RGS6: variants seen among roughly 807,000 people sequenced by gnomAD.
RGS6 encodes the protein regulator of G-protein signaling 6.
Under a neutral mutation model 78.5 loss-of-function variants are expected in RGS6, and 30 were observed. That is an observed-to-expected ratio of 0.38 (90% CI 0.29 to 0.52). The LOEUF (loss-of-function observed/expected upper bound fraction) is 0.52, where lower values mean the gene tolerates loss of function less well. RGS6 is among the 20% of genes least tolerant of loss of function. The probability of loss-of-function intolerance (pLI) is 0.85; values close to 1 mark genes in which losing one functional copy is unlikely to be tolerated. For missense variants in RGS6, 495 were observed against 609.7 expected (o/e 0.81, Z 1.98); for synonymous variants, 206 against 206.0 (o/e 1.00, Z 0.00).
At chr14:72,296,831 T>A (rs2064934032) in intron 2 of RGS6, among the ~76,000 whole-genome samples, 1 of 152,188 alleles carries the variant, frequency 6.6e-6, no homozygotes, top group African/African-American at 2.4e-5. Flanking sequence ...TTGCGTTCTG[T>A]GTTTGAAGGA....
intron 2 of RGS6, among the ~76,000 whole-genome samples, chr14:72,193,191 G>C (rs964497349): frequency 2.7e-4 from 41 of 151,970 alleles, no homozygotes; most frequent in African/African-American, 9.7e-4. Flanking sequence ...GTGGGGTTTC[G>C]CCATGTTGGC....
chr14:72,367,933 A>G (rs2082738199), intron 3 of RGS6, among the ~76,000 whole-genome samples: 1 of 152,194 alleles, frequency 6.6e-6, no homozygotes, highest in South Asian at 2.1e-4. Flanking sequence ...TTCACAGGAT[A>G]TGTATAAAGG....
At chr14:72,086,620 G>C (rs532001665) in intron 2 of RGS6, among the ~76,000 whole-genome samples, 1 of 152,240 alleles carries the variant, frequency 6.6e-6, no homozygotes, top group South Asian at 2.1e-4. Context: ...CCATGTTTTT[G>C]ATGGAGTATC....
chr14:72,095,585 A>G (rs2095385079), intron 2 of RGS6, among the ~76,000 whole-genome samples: 2 of 152,066 alleles, frequency 1.3e-5, no homozygotes, highest in Admixed American at 1.3e-4. Flanking sequence ...CACCTGTTTC[A>G]AAGAAAGTTC....
chr14:71,994,316 C>T (rs1221473694), intron 2 of RGS6, among the ~76,000 whole-genome samples: 5 of 152,108 alleles, frequency 3.3e-5, no homozygotes, highest in African/African-American at 7.2e-5. Context: ...TTTCTCTCCT[C>T]CTCTTTGATT....
chr14:72,619,871 G>T, the RGS6 span: 1 of 1,512,836 alleles, frequency 6.6e-7, no homozygotes, highest in South Asian at 1.2e-5. Flanking sequence ...AGTATCTGTT[G>T]CTGTTCTTAT....
chr14:72,437,493 T>A (rs1371614701), intron 3 of RGS6, among the ~76,000 whole-genome samples: 1 of 152,146 alleles, frequency 6.6e-6, no homozygotes, highest in Admixed American at 6.5e-5. Flanking sequence ...GTTTTAGCAA[T>A]GTTTAAAATT....
chr14:72,158,969 A>G (rs1259708177), intron 2 of RGS6, among the ~76,000 whole-genome samples: 2 of 152,256 alleles, frequency 1.3e-5, no homozygotes, highest in Non-Finnish European at 2.9e-5. Flanking sequence ...AACAAGCAGC[A>G]TAACAATAGC....
intron 2 of RGS6, among the ~76,000 whole-genome samples, chr14:72,328,129 CCCT>C (rs917837548): frequency 1.8e-4 from 28 of 152,036 alleles, no homozygotes; most frequent in African/African-American, 6.5e-4. Context: ...GGGAATTTAC[CCCT>C]CCTCCTTCTT....
chr14:72,290,184 C>A (rs1288187380), intron 2 of RGS6, among the ~76,000 whole-genome samples: 1 of 152,048 alleles, frequency 6.6e-6, no homozygotes, highest in African/African-American at 2.4e-5. Context: ...ACATAAAGGC[C>A]CTTAGGACTG....
intron 3 of RGS6, among the ~76,000 whole-genome samples, chr14:72,398,492 C>T (rs1205431721): frequency 6.6e-6 from 1 of 152,038 alleles, no homozygotes; most frequent in Non-Finnish European, 1.5e-5. Flanking sequence ...TTGATCTTTT[C>T]AAAAAACCAG....
chr14:72,397,751 T>G (rs553254111), intron 3 of RGS6, among the ~76,000 whole-genome samples: 3 of 152,372 alleles, frequency 2.0e-5, no homozygotes, highest in Admixed American at 6.5e-5. Flanking sequence ...TGAGAGTTTT[T>G]TAGCATGAAG....
intron 17 of RGS6, chr14:72,540,855 G>A (rs918139730): frequency 4.1e-6 from 4 of 985,410 alleles, no homozygotes; most frequent in Non-Finnish European, 4.8e-6. Flanking sequence ...CCCAGCTAGA[G>A]AGGTAGAGCT....
At chr14:72,158,320 A>G (rs960813351) in intron 2 of RGS6, among the ~76,000 whole-genome samples, 1 of 152,088 alleles carries the variant, frequency 6.6e-6, no homozygotes, top group African/African-American at 2.4e-5. Flanking sequence ...TCTCGTGAGG[A>G]CACCAGTCAT....
chr14:72,100,808 T>C (rs1475228741), intron 2 of RGS6, among the ~76,000 whole-genome samples: 2 of 152,214 alleles, frequency 1.3e-5, no homozygotes, highest in Non-Finnish European at 2.9e-5. Flanking sequence ...TTGAATTTCA[T>C]CTCCAACCAC....
At chr14:72,513,660 C>T (rs761472996) in intron 14 of RGS6, among the ~76,000 whole-genome samples, 2 of 152,190 alleles carry the variant, frequency 1.3e-5, no homozygotes, top group Non-Finnish European at 2.9e-5. Context: ...CTGCTTTGTG[C>T]ATTTTCCCAG....
chr14:71,908,768 A>G, the RGS6 span, among the ~76,000 whole-genome samples: 2 of 152,146 alleles, frequency 1.3e-5, no homozygotes, highest in African/African-American at 2.4e-5. Flanking sequence ...GAGAATAAAC[A>G]TGTTAGAGGA....
intron 2 of RGS6, among the ~76,000 whole-genome samples, chr14:72,314,088 G>A (rs1459022924): frequency 6.6e-6 from 1 of 152,184 alleles, no homozygotes; most frequent in South Asian, 2.1e-4. Flanking sequence ...ATTTTATAGA[G>A]AAGGAGATGA....
At chr14:72,049,432 G>C (rs1187153802) in intron 2 of RGS6, among the ~76,000 whole-genome samples, 1 of 152,214 alleles carries the variant, frequency 6.6e-6, no homozygotes, top group African/African-American at 2.4e-5. Context: ...TCTTGGGAAA[G>C]CTTAGCAAAA....
Sources: gnomAD v4.1 joint callset for allele counts (sites outside exome capture counted in the v4.1 genomes callset) on GRCh38, gnomAD v4.1.1 for gene constraint, MANE v1.5 for transcripts, NCBI Gene and HGNC (gene_info 2026-07-23, HGNC 2026-07-21) for gene names.